The following NAALADL2 variants were observed in gnomAD, a reference collection of about 807,000 sequenced individuals.
The protein encoded by NAALADL2 is inactive N-acetylated-alpha-linked acidic dipeptidase-like protein 2.
Under a neutral mutation model 87.2 loss-of-function variants are expected in NAALADL2, and 76 were observed. That is an observed-to-expected ratio of 0.87 (90% CI 0.72 to 1.05). The LOEUF is 1.05. NAALADL2 is among the 50% of genes least tolerant of loss of function. The probability of loss-of-function intolerance (pLI) is 0.00; values close to 1 mark genes in which losing one functional copy is unlikely to be tolerated. For synonymous variants in NAALADL2, 354 were observed against 331.0 expected (o/e 1.07, Z -0.75); for missense variants, 1,089 against 945.8 (o/e 1.15, Z -1.99).
intron 1 of NAALADL2, among the ~76,000 whole-genome samples, chr3:174,988,224 A>G (rs1490463567): frequency 1.3e-5 from 2 of 152,170 alleles, no homozygotes; most frequent in Non-Finnish European, 1.5e-5. Flanking sequence ...TGTCAGGAGA[A>G]GCATTTATTT....
intron 2 of NAALADL2, among the ~76,000 whole-genome samples, chr3:175,101,237 T>C (rs7627996): frequency 0.66 from 100,466 of 152,102 alleles, 33,948 homozygotes; most frequent in African/African-American, 0.82. Flanking sequence ...CATCTTTTCC[T>C]AATGCTAATT....
intron 1 of NAALADL2, among the ~76,000 whole-genome samples, chr3:174,871,465 G>T (rs1388562753): frequency 6.6e-6 from 1 of 152,184 alleles, no homozygotes; most frequent in Non-Finnish European, 1.5e-5. Context: ...GCCAGTGAAA[G>T]TTTGCCACAT....
rs147570738 is a variant in NAALADL2 at position 174,804,260 on chromosome 3, G to T, written c.-9+66514G>T. Among the ~76,000 whole-genome samples the T allele has an allele frequency of 4.9e-4, 74 of 152,004 alleles. 1 individual carries two copies. Among genetic ancestry groups the T allele is most frequent in the African/African-American group, 1.6e-3 (68 of 41,468 alleles). ...TGAATGGGAGTTCACTCATGATTTG[G>T]GTCTCTGTTTGTCTATTGTTGTATA... On this transcript the variant is annotated intron_variant, in intron 3 of 3. Coordinates refer to the NAALADL2 transcript ENST00000434257.
intron 1 of NAALADL2, among the ~76,000 whole-genome samples, chr3:174,886,206 C>A (rs1454349357): frequency 6.6e-6 from 1 of 152,068 alleles, no homozygotes; most frequent in Non-Finnish European, 1.5e-5. Flanking sequence ...AGCCACTATG[C>A]CCCGCCTGTC....
intron 2 of NAALADL2, among the ~76,000 whole-genome samples, chr3:174,733,932 G>A (rs1210594227): frequency 6.6e-6 from 1 of 152,080 alleles, no homozygotes; most frequent in African/African-American, 2.4e-5. Context: ...CTTTTTGAGA[G>A]GCCTGGTGGG....
At chr3:174,806,899 C>T (rs556539006) in intron 3 of NAALADL2, among the ~76,000 whole-genome samples, 1 of 152,060 alleles carries the variant, frequency 6.6e-6, no homozygotes, top group South Asian at 2.1e-4. Flanking sequence ...ATTATTAGGT[C>T]CTTATAGCCA....
In NAALADL2 at chr3:175,783,874, C is replaced by T. The variant is rs1751517262; in HGVS notation, c.2190-19131C>T. Among the ~76,000 whole-genome samples, 2 of 144,190 alleles carry T rather than the reference C, an allele frequency of 1.4e-5. 1 individual carries two copies. The highest frequency in any genetic ancestry group is 5.8e-5 in the African/African-American group (2 of 34,678). The allele number at this position is 144,190 out of a possible 152,430, so 94.6% of individuals were successfully genotyped here. On this transcript the variant is annotated intron_variant, in intron 13 of 13. Coordinates refer to ENST00000454872, the MANE Select transcript of NAALADL2 (RefSeq NM_207015.3). The stretch of plus-strand genomic sequence containing the variant: ...TAGCTCTTATTATTTTGAAATACAT[C>T]CCATCGATACCTAATTTATTGAGAG...
chr3:174,720,154 T>C (rs1263070620), intron 2 of NAALADL2, among the ~76,000 whole-genome samples: 1 of 152,160 alleles, frequency 6.6e-6, no homozygotes, highest in African/African-American at 2.4e-5. Context: ...TGAAAGACAA[T>C]CCAGTTTTTA....
intron 11 of NAALADL2, among the ~76,000 whole-genome samples, chr3:175,734,330 G>A (rs780659239): frequency 6.6e-6 from 1 of 152,100 alleles, no homozygotes; most frequent in Non-Finnish European, 1.5e-5. Flanking sequence ...CAAAGCGGAA[G>A]GATCATGAGG....
intron 4 of NAALADL2, among the ~76,000 whole-genome samples, chr3:175,282,823 A>C (rs898638405): frequency 1.3e-5 from 2 of 151,696 alleles, no homozygotes; most frequent in African/African-American, 4.8e-5. Context: ...TTTACGAGTC[A>C]ACTTTTAATT....
intron 5 of NAALADL2, among the ~76,000 whole-genome samples, chr3:175,394,699 G>C (rs572271087): frequency 1.3e-5 from 2 of 152,250 alleles, no homozygotes; most frequent in Admixed American, 6.5e-5. Context: ...TATGCTCCAA[G>C]ACCCCAAGTG....
intron 9 of NAALADL2, among the ~76,000 whole-genome samples, chr3:175,472,481 C>T (rs1327925678): frequency 2.0e-5 from 3 of 152,066 alleles, no homozygotes; most frequent in Non-Finnish European, 4.4e-5. Flanking sequence ...CATACCACAA[C>T]TTAGGGATGG....
At chr3:175,123,354 T>G (rs1425375095) in intron 2 of NAALADL2, among the ~76,000 whole-genome samples, 1 of 151,930 alleles carries the variant, frequency 6.6e-6, no homozygotes, top group Non-Finnish European at 1.5e-5. Flanking sequence ...GGTAGGGCAA[T>G]GGTCCCAAGT....
At chr3:175,549,639 T>C (rs1344458645) in intron 9 of NAALADL2, among the ~76,000 whole-genome samples, 1 of 152,014 alleles carries the variant, frequency 6.6e-6, no homozygotes, top group East Asian at 1.9e-4. Context: ...TTTCTCATTT[T>C]CTTATTGTGA....
At chr3:174,696,665 A>G (rs766885982) in intron 2 of NAALADL2, among the ~76,000 whole-genome samples, 2 of 148,702 alleles carry the variant, frequency 1.3e-5, no homozygotes, top group East Asian at 2.0e-4. Flanking sequence ...TATTTTTTCC[A>G]TTACTGATCT....
chr3:174,831,030 A>G (rs548469814), intron 3 of NAALADL2, among the ~76,000 whole-genome samples: 11 of 150,904 alleles, frequency 7.3e-5, no homozygotes, highest in African/African-American at 2.2e-4. Flanking sequence ...TGTTTTCTAG[A>G]TATACAATCA....
chr3:175,228,241 A>G (rs1371223317), intron 2 of NAALADL2, among the ~76,000 whole-genome samples: 2 of 151,986 alleles, frequency 1.3e-5, no homozygotes, highest in Non-Finnish European at 2.9e-5. Context: ...TCAATTTTGA[A>G]CAAGTATCTA....
chr3:175,599,622 C>T (rs1467918074), intron 10 of NAALADL2, among the ~76,000 whole-genome samples: 1 of 152,076 alleles, frequency 6.6e-6, no homozygotes, highest in African/African-American at 2.4e-5. Context: ...GCTTCTTCAT[C>T]CTCACTGTAG....
At chr3:174,764,313 T>C (rs1203033221) in intron 3 of NAALADL2, among the ~76,000 whole-genome samples, 4 of 152,202 alleles carry the variant, frequency 2.6e-5, no homozygotes, top group Non-Finnish European at 5.9e-5. Context: ...TACAATTCCC[T>C]TTCTTGGGAC....
Sources: allele counts gnomAD v4.1 joint callset (sites outside exome capture counted in the v4.1 genomes callset), GRCh38; gene constraint gnomAD v4.1.1; transcripts MANE v1.5; gene names NCBI Gene and HGNC (gene_info 2026-07-23, HGNC 2026-07-21).